The following CHN1 variants were observed in gnomAD, a reference collection of about 807,000 sequenced individuals.
The protein encoded by CHN1 is N-chimaerin.
In CHN1, 37 loss-of-function variants were observed where a neutral mutation model predicts 59.5. The ratio of observed to expected loss-of-function variants is 0.62; its 90% CI spans 0.48 to 0.82. The LOEUF (loss-of-function observed/expected upper bound fraction) is 0.82. Ranked by LOEUF, CHN1 falls within the 40% of genes least tolerant of loss-of-function variation. The pLI is 0.00. For synonymous variants in CHN1, 206 were observed against 200.4 expected (o/e 1.03, Z -0.24); for missense variants, 469 against 571.0 (o/e 0.82, Z 1.82).
At position 174,935,965 on chromosome 2, in the gene CHN1, A is replaced by G. The variant is rs73031931; in HGVS notation, c.114+8923T>C. ...TATATTAAAAGTAAATAAAAATAAA[A>G]CATGTGCTACCAAAATACATACTCA... On this transcript the variant is annotated intron_variant, in intron 3 of 12. Coordinates refer to ENST00000409900, the MANE Select transcript of CHN1 (RefSeq NM_001822.7). 3.2e-3 allele frequency among the ~76,000 whole-genome samples: 486 copies of G among 152,166 alleles called. 1 individual carries two copies. The highest frequency in any genetic ancestry group is 9.4e-3 in the African/African-American group (389 of 41,518).
chr2:174,920,485 A>G (rs1688984170), intron 3 of CHN1, among the ~76,000 whole-genome samples: 3 of 152,128 alleles, frequency 2.0e-5, no homozygotes, highest in Admixed American at 2.0e-4. Context: ...AAAAGGGAAA[A>G]AGCCCTCTGT....
At chr2:174,807,442 CTA>C (rs1368281541) in intron 11 of CHN1, among the ~76,000 whole-genome samples, 1 of 114,196 alleles carries the variant, frequency 8.8e-6, no homozygotes, top group East Asian at 3.0e-4. Context: ...TTTTCACGGG[CTA>C]TCTGTGTGTG....
intron 1 of CHN1, among the ~76,000 whole-genome samples, chr2:174,986,741 T>C (rs1204319186): frequency 6.6e-6 from 1 of 152,268 alleles, no homozygotes; most frequent in African/African-American, 2.4e-5. Flanking sequence ...ATTTTTTGTT[T>C]GTTTGCTTGT....
At chr2:174,919,756 T>C (rs1688952023) in intron 3 of CHN1, among the ~76,000 whole-genome samples, 1 of 151,974 alleles carries the variant, frequency 6.6e-6, no homozygotes, top group African/African-American at 2.4e-5. Context: ...CACACATTAC[T>C]TCACATACTT....
chr2:174,837,569 T>A (rs147231881), intron 7 of CHN1, among the ~76,000 whole-genome samples: 1 of 152,278 alleles, frequency 6.6e-6, no homozygotes, highest in East Asian at 1.9e-4. Context: ...AACATAAAAA[T>A]ATAGAAAATA....
chr2:174,901,921 G>A (rs569122073), intron 5 of CHN1, among the ~76,000 whole-genome samples: 1 of 152,040 alleles, frequency 6.6e-6, no homozygotes, highest in Non-Finnish European at 1.5e-5. Flanking sequence ...AATTCAAATA[G>A]CAAACTTCTC....
chr2:174,971,897 T>A (rs1169642709), intron 1 of CHN1, among the ~76,000 whole-genome samples: 1 of 152,016 alleles, frequency 6.6e-6, no homozygotes, highest in East Asian at 1.9e-4. Flanking sequence ...CAAAGCCAAA[T>A]GAATTGGGGA....
At chr2:174,861,997 T>C (rs566799011) in intron 6 of CHN1, among the ~76,000 whole-genome samples, 3 of 152,332 alleles carry the variant, frequency 2.0e-5, no homozygotes, top group South Asian at 2.1e-4. Flanking sequence ...GCAGTATCTA[T>C]CATTAGTAAG....
At chr2:174,855,961 T>C (rs1450543867) in intron 6 of CHN1, among the ~76,000 whole-genome samples, 4 of 152,138 alleles carry the variant, frequency 2.6e-5, no homozygotes, top group Non-Finnish European at 4.4e-5. Context: ...GCCTCTCATA[T>C]TATCTGTTAT....
intron 5 of CHN1, among the ~76,000 whole-genome samples, chr2:174,894,961 A>C (rs1188094648): frequency 2.0e-5 from 3 of 151,794 alleles, no homozygotes; most frequent in Non-Finnish European, 2.9e-5. Context: ...TATCCAGCAT[A>C]TCCATTTTGT....
At chr2:174,898,623 C>A (rs778858652) in intron 5 of CHN1, among the ~76,000 whole-genome samples, 9 of 151,926 alleles carry the variant, frequency 5.9e-5, no homozygotes, top group Non-Finnish European at 1.3e-4. Flanking sequence ...AAGAAATTGT[C>A]GCTTCTTATC....
At chr2:174,881,058 A>C (rs957651252) in intron 5 of CHN1, among the ~76,000 whole-genome samples, 1 of 151,920 alleles carries the variant, frequency 6.6e-6, no homozygotes, top group Non-Finnish European at 1.5e-5. Flanking sequence ...AAAAAAAAAA[A>C]AAAAGTCCGT....
At chr2:174,982,622 G>A (rs933688064) in intron 1 of CHN1, among the ~76,000 whole-genome samples, 12 of 152,008 alleles carry the variant, frequency 7.9e-5, no homozygotes, top group Non-Finnish European at 1.8e-4. Flanking sequence ...ATCACTTTGT[G>A]ACCCAGAAAT....
At chr2:174,864,441 CAAT>C (rs1389763575) in intron 6 of CHN1, among the ~76,000 whole-genome samples, 1 of 152,064 alleles carries the variant, frequency 6.6e-6, no homozygotes, top group African/African-American at 2.4e-5. Context: ...ATAATAAATG[CAAT>C]ATGCCTTATA....
At chr2:174,927,053 C>T (rs1017635690) in intron 3 of CHN1, among the ~76,000 whole-genome samples, 5 of 151,980 alleles carry the variant, frequency 3.3e-5, no homozygotes, top group Non-Finnish European at 4.4e-5. Flanking sequence ...CCACTGCGCC[C>T]GGCCTACCCA....
chr2:174,895,384 T>C (rs1688189380), intron 5 of CHN1, among the ~76,000 whole-genome samples: 1 of 151,834 alleles, frequency 6.6e-6, no homozygotes, highest in South Asian at 2.1e-4. Context: ...GTCAAAATCA[T>C]GCAAACAAAA....
intron 6 of CHN1, among the ~76,000 whole-genome samples, chr2:174,871,786 A>G (rs1687416446): frequency 6.6e-6 from 1 of 152,208 alleles, no homozygotes; most frequent in Non-Finnish European, 1.5e-5. Flanking sequence ...ATAATGAAAC[A>G]TTAAAATGTA....
chr2:174,810,921 G>C (rs1306818904), intron 10 of CHN1: 1 of 152,236 alleles, frequency 6.6e-6, no homozygotes, highest in Non-Finnish European at 1.5e-5. Flanking sequence ...ACAAATTGGA[G>C]AGCCATGGAA....
At chr2:174,882,659 T>C (rs1009190258) in intron 5 of CHN1, among the ~76,000 whole-genome samples, 7 of 152,154 alleles carry the variant, frequency 4.6e-5, no homozygotes, top group Non-Finnish European at 4.4e-5. Context: ...AAGCTTACAA[T>C]AAAATGTTAG....
Sources: gnomAD v4.1 joint callset for allele counts (sites outside exome capture counted in the v4.1 genomes callset) on GRCh38, gnomAD v4.1.1 for gene constraint, MANE v1.5 for transcripts, NCBI Gene and HGNC (gene_info 2026-07-23, HGNC 2026-07-21) for gene names.